The following ROBO1 variants were observed in gnomAD, a reference collection of about 807,000 sequenced individuals.
ROBO1 encodes roundabout guidance receptor 1, also known as roundabout homolog 1.
In ROBO1, 149 loss-of-function variants were observed where a neutral mutation model predicts 195.9. The ratio of observed to expected loss-of-function variants is 0.76; its 90% CI spans 0.67 to 0.87. The LOEUF is 0.87. Among genes scored for constraint, ROBO1 ranks in the 40% least tolerant of loss-of-function variants. The pLI, the probability that ROBO1 is intolerant of heterozygous loss-of-function variation, is 0.00. For missense variants in ROBO1, 1,933 were observed against 2,068.3 expected (o/e 0.93, Z 1.27); for synonymous variants, 816 against 733.2 (o/e 1.11, Z -1.82).
At chr3:79,518,693 A>T (rs1025063591) in intron 2 of ROBO1, among the ~76,000 whole-genome samples, 3 of 151,694 alleles carry the variant, frequency 2.0e-5, no homozygotes, top group Non-Finnish European at 4.4e-5. Context: ...TATTATTATT[A>T]TTTTTAGATG....
At chr3:79,686,085 C>T (rs867829309) in intron 1 of ROBO1, among the ~76,000 whole-genome samples, 1 of 152,138 alleles carries the variant, frequency 6.6e-6, no homozygotes, top group Non-Finnish European at 1.5e-5. Flanking sequence ...AATCAATAAA[C>T]ATAATCCAGC....
chr3:79,495,357 G>A (rs193078632), intron 2 of ROBO1, among the ~76,000 whole-genome samples: 1 of 152,054 alleles, frequency 6.6e-6, no homozygotes, highest in East Asian at 1.9e-4. Flanking sequence ...ATAGACAAGA[G>A]TCACAAGAAT....
intron 2 of ROBO1, among the ~76,000 whole-genome samples, chr3:79,282,313 T>A (rs1230930677): frequency 1.3e-5 from 2 of 152,138 alleles, no homozygotes; most frequent in African/African-American, 4.8e-5. Context: ...AAAAGAACCC[T>A]CCTCTTTATC....
At chr3:78,868,402 AG>A (rs2035314251) in intron 4 of ROBO1, among the ~76,000 whole-genome samples, 1 of 152,192 alleles carries the variant, frequency 6.6e-6, no homozygotes, top group South Asian at 2.1e-4. Context: ...CTACCAAAAA[AG>A]TTGACATTAC....
At chr3:79,515,079 G>T (rs1940885712) in intron 2 of ROBO1, among the ~76,000 whole-genome samples, 1 of 152,106 alleles carries the variant, frequency 6.6e-6, no homozygotes, top group Non-Finnish European at 1.5e-5. Flanking sequence ...AATTCTCCGA[G>T]CCTTGTTTGC....
chr3:78,767,267 G>A (rs559006226), intron 4 of ROBO1, among the ~76,000 whole-genome samples: 2 of 146,348 alleles, frequency 1.4e-5, no homozygotes, highest in South Asian at 2.2e-4. Flanking sequence ...TTTTTTTGTC[G>A]GTAATTTATT....
intron 4 of ROBO1, among the ~76,000 whole-genome samples, chr3:78,798,643 G>C (rs915401523): frequency 6.6e-6 from 1 of 152,118 alleles, no homozygotes; most frequent in African/African-American, 2.4e-5. Flanking sequence ...TTCAACAAAA[G>C]AGATCAAAAG....
At chr3:79,766,518 C>T (rs948961610) in intron 1 of ROBO1, among the ~76,000 whole-genome samples, 4 of 151,818 alleles carry the variant, frequency 2.6e-5, no homozygotes, top group African/African-American at 9.7e-5. Flanking sequence ...TCCACGCGGT[C>T]CTCCGAGACC....
intron 1 of ROBO1, among the ~76,000 whole-genome samples, chr3:79,635,668 A>G (rs1945474843): frequency 6.6e-6 from 1 of 152,184 alleles, no homozygotes; most frequent in Non-Finnish European, 1.5e-5. Flanking sequence ...ATTAGTAATA[A>G]AAGTGGTTAC....
intron 3 of ROBO1, among the ~76,000 whole-genome samples, chr3:79,077,892 C>A (rs773858456): frequency 3.3e-4 from 50 of 151,756 alleles, no homozygotes; most frequent in Non-Finnish European, 6.8e-4. Flanking sequence ...GCTTAAGAAG[C>A]AGGTGAGAAG....
At chr3:79,170,586 G>A (rs1468867404) in intron 2 of ROBO1, among the ~76,000 whole-genome samples, 5 of 151,970 alleles carry the variant, frequency 3.3e-5, no homozygotes, top group East Asian at 1.9e-4. Flanking sequence ...TCCTTTCCTT[G>A]TCTAAACTAA....
At chr3:79,268,650 C>G (rs1189483087) in intron 2 of ROBO1, among the ~76,000 whole-genome samples, 1 of 151,626 alleles carries the variant, frequency 6.6e-6, no homozygotes, top group African/African-American at 2.4e-5. Flanking sequence ...TTTGCATTGA[C>G]AAAATGACTT....
Position 79,180,895 on chromosome 3 carries a change from C to T in ROBO1, c.89-55356G>A, listed in dbSNP as rs111983980. On this transcript the variant is annotated intron_variant, in intron 2 of 30. Coordinates refer to ENST00000464233, the MANE Select transcript of ROBO1 (RefSeq NM_002941.4). ...GAGGATCAGTGATTTCCATTCAGAA[C>T]GCACTTTCCTGAGAACATCTTGAAG... 8.5e-4 allele frequency among the ~76,000 whole-genome samples: 129 copies of T among 152,144 alleles called. 1 individual carries two copies. Among genetic ancestry groups the T allele is most frequent in the African/African-American group, 3.0e-3 (125 of 41,518 alleles).
At chr3:79,709,323 ATAAT>A (rs1204017770) in intron 1 of ROBO1, among the ~76,000 whole-genome samples, 1 of 152,134 alleles carries the variant, frequency 6.6e-6, no homozygotes, top group African/African-American at 2.4e-5. Context: ...AATAGTTTAT[ATAAT>A]TAGTCTAATA....
At chr3:79,545,952 G>T (rs571939939) in intron 2 of ROBO1, among the ~76,000 whole-genome samples, 3 of 152,166 alleles carry the variant, frequency 2.0e-5, no homozygotes, top group East Asian at 1.9e-4. Flanking sequence ...TATTCACAGA[G>T]TTTCTTCCAC....
At chr3:79,525,037 C>G (rs1253826880) in intron 2 of ROBO1, among the ~76,000 whole-genome samples, 2 of 151,654 alleles carry the variant, frequency 1.3e-5, no homozygotes, top group Non-Finnish European at 2.9e-5. Context: ...ACTTGGAAAC[C>G]TGTCATAAAA....
At chr3:79,092,089 A>G (rs899779209) in intron 3 of ROBO1, among the ~76,000 whole-genome samples, 13 of 152,172 alleles carry the variant, frequency 8.5e-5, no homozygotes, top group Admixed American at 2.0e-4. Context: ...CCTACATGAG[A>G]GATGACAACG....
intron 3 of ROBO1, among the ~76,000 whole-genome samples, chr3:78,962,618 G>A (rs1456033347): frequency 2.0e-5 from 3 of 151,946 alleles, no homozygotes; most frequent in African/African-American, 7.3e-5. Flanking sequence ...GAGGTCAGGA[G>A]ATCGAGACCA....
At chr3:79,555,039 T>G (rs1408892894) in intron 2 of ROBO1, among the ~76,000 whole-genome samples, 1 of 152,034 alleles carries the variant, frequency 6.6e-6, no homozygotes, top group East Asian at 1.9e-4. Flanking sequence ...GGTCCTAAGC[T>G]TTGGAGTGAC....
Sources: gnomAD v4.1 joint callset for allele counts (sites outside exome capture counted in the v4.1 genomes callset) on GRCh38, gnomAD v4.1.1 for gene constraint, MANE v1.5 for transcripts, NCBI Gene and HGNC (gene_info 2026-07-23, HGNC 2026-07-21) for gene names.